The following LIN37 variants were observed in gnomAD, a reference collection of about 807,000 sequenced individuals.
LIN37 encodes the protein protein lin-37 homolog.
LIN37 carries 21 observed loss-of-function variants against 38.0 expected under a neutral mutation model. The observed-to-expected ratio is 0.55, with a 90% CI of 0.39 to 0.80. LIN37 has a LOEUF of 0.80. Among genes scored for constraint, LIN37 ranks in the 30% least tolerant of loss-of-function variants. The pLI is 0.00. For synonymous variants in LIN37, 126 were observed against 122.9 expected (o/e 1.03, Z -0.17); for missense variants, 273 against 338.5 (o/e 0.81, Z 1.52).
rs1180193378 is a variant in LIN37, at chr19:35,749,815, A to AAAG, written c.34+1059_34+1060insGAA. Reference sequence around the variant, plus strand: ...TTGAGACCCTGTCTCAAAAAAAAAAAAAAAGAAAGGAAAAGAAAAGAAAGA... The same window carrying AAAG: ...TTGAGACCCTGTCTCAAAAAAAAAAAAAGAAAAGAAAGGAAAAGAAAAGAAAGA... On this transcript the variant is annotated intron_variant, in intron 1 of 8. Coordinates refer to ENST00000301159, the MANE Select transcript of LIN37 (RefSeq NM_019104.3). 3.2e-5 allele frequency among the ~76,000 whole-genome samples: 4 copies of AAAG among 126,786 alleles called. No homozygotes were observed. In the East Asian group the frequency reaches 6.1e-4, roughly 19 times the overall value. 83.2% of individuals were successfully genotyped at this position (126,786 alleles called of 152,430 possible).
At chr19:35,749,247 A>G (rs999115356) in intron 1 of LIN37, among the ~76,000 whole-genome samples, 5 of 151,948 alleles carry the variant, frequency 3.3e-5, no homozygotes, top group African/African-American at 1.2e-4. Flanking sequence ...AGCAGTGATC[A>G]GAGTCACACA....
chr19:35,753,657 G>A (rs538909423), intron 6 of LIN37: 168 of 492,598 alleles, frequency 3.4e-4, no homozygotes, highest in Middle Eastern at 1.1e-3. Context: ...AGGGTCCCCA[G>A]GACAGACATA....
intron 1 of LIN37, among the ~76,000 whole-genome samples, chr19:35,750,637 A>G (rs1057197147): frequency 1.3e-5 from 2 of 152,174 alleles, no homozygotes; most frequent in Non-Finnish European, 2.9e-5. Context: ...CGAGGGGGAA[A>G]AAAAAGCCCA....
At chr19:35,753,992 T>G in intron 6 of LIN37, 25 bp from the exon 7 acceptor site, 1 of 1,607,720 alleles carries the variant, frequency 6.2e-7, no homozygotes, top group South Asian at 1.1e-5. Flanking sequence ...CTCTTGGGCC[T>G]GGCATGGGGC....
In LIN37 at chr19:35,752,999, A is replaced by G; in HGVS notation, c.277A>G (p.Asn93Asp). The stretch of plus-strand genomic sequence containing the variant: ...GGCTGAGGGAGGGCCGCAGCGATCC[A>G]GTGAGTAGACAGTGGCCCTAGAGGG... ...GLAEGGPQRSNTYVIKLFDRS... is the reference protein window; with the variant it reads ...GLAEGGPQRSDTYVIKLFDRS... Residue 93 changes from asparagine (N) to aspartate (D), a missense_variant and splice_region_variant, in exon 5 of 9, where the codon AAC becomes GAC. Physicochemically the swap from Asn to Asp is conservative, Grantham distance 23. Coordinates refer to ENST00000301159, the MANE Select transcript of LIN37 (RefSeq NM_019104.3). 6.4e-7 allele frequency: 1 copy of G among 1,570,386 alleles called. No individual in the cohort carries two copies. Among genetic ancestry groups the G allele is most frequent in the Non-Finnish European group, 8.6e-7 (1 of 1,157,070 alleles).
intron 6 of LIN37, 158 bp downstream of exon 6, chr19:35,753,411 T>G: frequency 1.1e-6 from 1 of 902,758 alleles, no homozygotes; most frequent in Non-Finnish European, 1.7e-6. Flanking sequence ...ACTCTTAGGT[T>G]GGGGTGTGGA....
intron 3 of LIN37, 53 bp from the exon 4 acceptor site, chr19:35,752,751 C>T: frequency 6.3e-7 from 1 of 1,593,774 alleles, no homozygotes; most frequent in Non-Finnish European, 8.5e-7. Context: ...AGGGTGCCCT[C>T]TGCAGGGTTT....
At chr19:35,750,503 A>G (rs1310674709) in intron 1 of LIN37, among the ~76,000 whole-genome samples, 1 of 152,216 alleles carries the variant, frequency 6.6e-6, no homozygotes, top group Non-Finnish European at 1.5e-5. Flanking sequence ...CCAGTCAGAA[A>G]GGCAGAGCAA....
Position 35,752,243 on chromosome 19 carries a change from C to T in LIN37, c.102C>T (p.His34=). The T allele has an allele frequency of 6.2e-7, 1 of 1,606,260 alleles. No homozygotes were observed. The highest frequency in any genetic ancestry group is 1.1e-5 in the South Asian group (1 of 89,702). Residue 34 remains histidine, a synonymous_variant, in exon 2 of 9, where the codon CAC becomes CAT. Coordinates refer to ENST00000301159, the MANE Select transcript of LIN37 (RefSeq NM_019104.3). ...TGCAGTGTCTGCTGGAGAAGAGTCACATGGACAGGTAGGCCAGCGTGGGGT... is the reference window on the plus strand; with the variant it reads ...TGCAGTGTCTGCTGGAGAAGAGTCATATGGACAGGTAGGCCAGCGTGGGGT... ...AVLQCLLEKS[H]MDRERLDEEA...
rs770389464 is a variant in LIN37 at position 35,752,814 on chromosome 19, A to G, written c.172A>G (p.Ile58Val). Residue 58 changes from isoleucine (I) to valine (V), a missense_variant, in exon 4 of 9, where the codon ATC (isoleucine) becomes GTC (valine). Ile to Val is a conservative substitution (Grantham distance 29). Coordinates refer to ENST00000301159, the MANE Select transcript of LIN37 (RefSeq NM_019104.3). Reference protein sequence around the residue: ...PSDTHNKDCSIAATGKRPSAR... With the variant: ...PSDTHNKDCSVAATGKRPSAR... ...TGTCTTTCCCCACAGGGACTGCTCC[A>G]TCGCAGCCACTGGCAAAAGGTAAGG... 1 of 1,609,608 alleles carries G rather than the reference A, an allele frequency of 6.2e-7. No individual in the cohort carries two copies. The highest frequency in any genetic ancestry group is 1.1e-5 in the South Asian group (1 of 90,208).
Position 35,754,151 on chromosome 19 carries a change from CGATGAG to C in LIN37, c.581_585+1del, listed in dbSNP as rs1568402997. The C allele has an allele frequency of 6.2e-7, 1 of 1,613,988 alleles. No individual in the cohort carries two copies. Among genetic ancestry groups the C allele is most frequent in the East Asian group, 2.2e-5 (1 of 44,886 alleles). On this transcript the variant is annotated inframe_deletion and splice_region_variant, in exon 7 of 9. Transcript: ENST00000301159. ...AGCCTGAGATGCAGGGCACCCCTGA[CGATGAG>C]GTGAGTATGCCAGGCTGGCCCAGGG...
intron 1 of LIN37, among the ~76,000 whole-genome samples, chr19:35,750,458 C>T (rs2146525267): frequency 6.6e-6 from 1 of 152,286 alleles, no homozygotes; most frequent in Admixed American, 6.5e-5. Context: ...CCAGGTGTCC[C>T]CTCCAGGCTC....
At chr19:35,749,122 G>T (rs914451751) in intron 1 of LIN37, 1 of 472,380 alleles carries the variant, frequency 2.1e-6, no homozygotes, top group African/African-American at 2.1e-5. Flanking sequence ...CGAACTCCTG[G>T]TCTCAAGCGA....
rs1970727141 is a variant in LIN37 at position 35,754,465 on chromosome 19, A to G, written c.732A>G (p.Glu244=). The G allele has an allele frequency of 2.5e-6, 4 of 1,613,864 alleles. No homozygotes were observed. The highest frequency in any genetic ancestry group is 3.4e-6 in the Non-Finnish European group (4 of 1,179,874). The stretch of plus-strand genomic sequence containing the variant: ...TGAAGATCCTACGAGAGATGTACGA[A>G]CGACAGTGATGTTCCCAGGTCCCCC... ...ESMKILREMY[E]RQ is the part of the protein sequence containing the mutation. The change falls in exon 9 of 9, where the codon GAA becomes GAG. Residue 244 remains glutamate (E), a synonymous_variant. Coordinates refer to ENST00000301159, the MANE Select transcript of LIN37 (RefSeq NM_019104.3).
Position 35,753,221 on chromosome 19 carries a change from T to C in LIN37, c.412T>C (p.Ser138Pro). ...GCGCGAGCGTGAATGCTCTCCCAGC[T>C]CACCCCTGCCCCCGCTGCCTGAGGA... ...SVRERECSPS[S>P]PLPPLPEDEE... The change falls in exon 6 of 9, where the codon TCA (serine) becomes CCA (proline). Residue 138 changes from serine (S) to proline (P), a missense_variant. Transcript: ENST00000301159. 3 of 1,557,452 alleles carry C rather than the reference T, an allele frequency of 1.9e-6. No individual in the cohort carries two copies. The highest frequency in any genetic ancestry group is 3.3e-4 in the Middle Eastern group (2 of 6,006).
chr19:35,754,311 C>T lies in LIN37; in HGVS notation c.651C>T (p.Ile217=), dbSNP rs752265573. ...IYRNMQRWKR[I]RQRWKEASHR... ...GCAACATGCAGCGCTGGAAACGCAT[C>T]CGCCAGAGGTGAGCGTCCCCCAGCC... The change falls in exon 8 of 9, where the codon ATC becomes ATT. Residue 217 remains isoleucine, a synonymous_variant. Coordinates refer to ENST00000301159, the MANE Select transcript of LIN37 (RefSeq NM_019104.3). The T allele has an allele frequency of 1.8e-5, 29 of 1,614,064 alleles. 1 individual carries two copies. In the South Asian group the frequency reaches 3.1e-4, roughly 17 times the overall value.
chr19:35,754,303 A>C lies in LIN37; in HGVS notation c.643A>C (p.Lys215Gln). The change falls in exon 8 of 9, where the codon AAA becomes CAA. Residue 215 changes from lysine (K) to glutamine (Q), a missense_variant. By Grantham distance (53) the Lys-to-Gln change is moderately conservative (BLOSUM62 1). Coordinates refer to ENST00000301159, the MANE Select transcript of LIN37 (RefSeq NM_019104.3). ...TLIYRNMQRWKRIRQRWKEAS... is the reference protein window; with the variant it reads ...TLIYRNMQRWQRIRQRWKEAS... ...CATCTATCGCAACATGCAGCGCTGG[A>C]AACGCATCCGCCAGAGGTGAGCGTC... is the stretch of plus-strand genomic sequence containing the variant. 6.2e-7 allele frequency: 1 copy of C among 1,614,062 alleles called. No homozygotes were observed. Among genetic ancestry groups the C allele is most frequent in the Non-Finnish European group, 8.5e-7 (1 of 1,179,906 alleles).
rs1019128813 is a variant in LIN37 at position 35,752,242 on chromosome 19, A to C, written c.101A>C (p.His34Pro). ...TTGCAGTGTCTGCTGGAGAAGAGTC[A>C]CATGGACAGGTAGGCCAGCGTGGGG... is the stretch of plus-strand genomic sequence containing the variant. ...AVLQCLLEKSHMDRERLDEEA... is the reference protein window; with the variant it reads ...AVLQCLLEKSPMDRERLDEEA... The change falls in exon 2 of 9, where the codon CAC (histidine) becomes CCC (proline). Residue 34 changes from histidine (H) to proline (P), a missense_variant. By Grantham distance (77) the His-to-Pro change is moderately conservative. Transcript: ENST00000301159. 26 of 1,606,328 alleles carry C rather than the reference A, an allele frequency of 1.6e-5. No homozygotes were observed. Among genetic ancestry groups the C allele is most frequent in the Non-Finnish European group, 2.2e-5 (26 of 1,176,516 alleles).
intron 1 of LIN37, among the ~76,000 whole-genome samples, chr19:35,749,824 GGA>G (rs1568401681): frequency 6.5e-4 from 95 of 145,566 alleles, no homozygotes; most frequent in African/African-American, 2.3e-3. Flanking sequence ...AAAAAAGAAA[GGA>G]AAAGAAAAGA....
Sources: gnomAD v4.1 joint callset for allele counts (sites outside exome capture counted in the v4.1 genomes callset) on GRCh38, gnomAD v4.1.1 for gene constraint, MANE v1.5 for transcripts, NCBI Gene and HGNC (gene_info 2026-07-23, HGNC 2026-07-21) for gene names.